Variants in PLA2G4E observed in about 807,000 individuals in gnomAD.
PLA2G4E encodes the protein phospholipase A2 group IVE.
In PLA2G4E, 84 loss-of-function variants were observed where a neutral mutation model predicts 109.1. The observed-to-expected ratio is 0.77, with a 90% confidence interval of 0.65 to 0.92. The LOEUF (loss-of-function observed/expected upper bound fraction) is 0.92, where lower values mean the gene tolerates loss of function less well. Ranked by LOEUF, PLA2G4E falls within the 40% of genes least tolerant of loss-of-function variation. The pLI is 0.00. For synonymous variants in PLA2G4E, 469 were observed against 436.1 expected (o/e 1.08, Z -0.94); for missense variants, 1,057 against 1,076.6 (o/e 0.98, Z 0.25).
At chr15:42,044,228 C>G (rs771539330) in intron 1 of PLA2G4E, among the ~76,000 whole-genome samples, 6 of 152,152 alleles carry the variant, frequency 3.9e-5, no homozygotes, top group Non-Finnish European at 7.3e-5. Context: ...CTACGAAAGA[C>G]GGGAACGGAT....
chr15:42,012,081 T>C (rs1460176822), intron 2 of PLA2G4E, among the ~76,000 whole-genome samples: 1 of 152,180 alleles, frequency 6.6e-6, no homozygotes, highest in Non-Finnish European at 1.5e-5. Flanking sequence ...TCTGGACACA[T>C]TGCCCTCCAG....
At chr15:42,041,370 G>C (rs537880429) in intron 1 of PLA2G4E, among the ~76,000 whole-genome samples, 1 of 152,102 alleles carries the variant, frequency 6.6e-6, no homozygotes, top group African/African-American at 2.4e-5. Context: ...CATTCCACTC[G>C]CACCCACCGA....
intron 1 of PLA2G4E, among the ~76,000 whole-genome samples, chr15:42,023,750 C>A (rs2068668898): frequency 6.6e-6 from 1 of 152,132 alleles, no homozygotes; most frequent in Admixed American, 6.5e-5. Flanking sequence ...TATTTGGCCT[C>A]TTCTCACTGA....
Position 41,984,596 on chromosome 15 carries a change from G to A in PLA2G4E, c.2226C>T (p.Tyr742=), listed in dbSNP as rs757863845. ...GGAAGGGGATGTTCTGCACAGTGCA[G>A]TACTCACAGGTTTGTTTCAGGGGCT... Residue 742 remains tyrosine (Y), a synonymous_variant, in exon 19 of 20, where the codon TAC becomes TAT. Coordinates refer to ENST00000399518, the Ensembl canonical transcript of PLA2G4E. 5.6e-6 allele frequency: 9 copies of A among 1,608,690 alleles called. No homozygotes were observed. In the African/African-American group the frequency reaches 9.4e-5, roughly 17 times the overall value.
At chr15:42,002,557 C>A in intron 6 of PLA2G4E, 97 bp downstream of exon 6, 12 of 1,365,470 alleles carry the variant, frequency 8.8e-6, no homozygotes, top group African/African-American at 1.4e-5. Flanking sequence ...GGACAGAGAC[C>A]AAGCTGGGCC....
At chr15:42,033,987 C>A (rs193299153) in intron 1 of PLA2G4E, among the ~76,000 whole-genome samples, 1 of 152,190 alleles carries the variant, frequency 6.6e-6, no homozygotes, top group African/African-American at 2.4e-5. Flanking sequence ...GTCCTTTTTC[C>A]GGTGATGTAG....
intron 10 of PLA2G4E, 63 bp downstream of exon 10, chr15:41,999,461 A>C: frequency 8.1e-7 from 1 of 1,238,372 alleles, no homozygotes. Context: ...CCACAGTGAG[A>C]TACCACTGCA....
At chr15:42,038,273 C>T (rs1312423722) in intron 1 of PLA2G4E, among the ~76,000 whole-genome samples, 1 of 152,164 alleles carries the variant, frequency 6.6e-6, no homozygotes, top group East Asian at 1.9e-4. Flanking sequence ...ACAATTTTTC[C>T]ATGGATGGTG....
chr15:42,002,707 A>G lies in PLA2G4E; in HGVS notation c.567-11T>C. 2.5e-6 allele frequency: 4 copies of G among 1,572,112 alleles called. No individual in the cohort carries two copies. The highest frequency in any genetic ancestry group is 1.4e-5 in the African/African-American group (1 of 73,922). ...TCAGGTGGAGAGGGACTGAAAAACA[A>G]AAGGAGAACTCCTGGTCAATTCTAG... On this transcript the variant is annotated splice_polypyrimidine_tract_variant and intron_variant, in intron 5 of 19. Coordinates refer to ENST00000399518, the Ensembl canonical transcript of PLA2G4E.
chr15:41,993,278 G>A (rs1160533483), intron 12 of PLA2G4E, among the ~76,000 whole-genome samples: 5 of 152,168 alleles, frequency 3.3e-5, no homozygotes, highest in African/African-American at 1.2e-4. Flanking sequence ...TGTGATCTTG[G>A]GCAAGCTACT....
intron 1 of PLA2G4E, among the ~76,000 whole-genome samples, chr15:42,021,034 G>A (rs1043413550): frequency 1.3e-5 from 2 of 151,856 alleles, no homozygotes; most frequent in Non-Finnish European, 2.9e-5. Flanking sequence ...GGAGCATCAC[G>A]GCAGCTCTCC....
intron 13 of PLA2G4E, among the ~76,000 whole-genome samples, chr15:41,992,075 C>G (rs79894467): frequency 1.3e-5 from 2 of 152,128 alleles, no homozygotes; most frequent in African/African-American, 4.8e-5. Flanking sequence ...TTAGTCAGAT[C>G]ACTGGATCTC....
intron 1 of PLA2G4E, among the ~76,000 whole-genome samples, chr15:42,038,172 G>A (rs1889250551): frequency 1.3e-5 from 2 of 152,164 alleles, no homozygotes; most frequent in African/African-American, 2.4e-5. Context: ...CTTATAATGT[G>A]TAATATTCTG....
chr15:42,013,585 G>GCA (rs150986627), intron 2 of PLA2G4E, 100 bp downstream of exon 2: 109 of 1,078,920 alleles, frequency 1.0e-4, no homozygotes, highest in Non-Finnish European at 1.1e-4. Context: ...ACGTGCGCGC[G>GCA]CACACACACA....
chr15:42,004,631 A>G (rs2068455785), intron 5 of PLA2G4E, among the ~76,000 whole-genome samples: 1 of 152,112 alleles, frequency 6.6e-6, no homozygotes, highest in Admixed American at 6.5e-5. Context: ...TGGTGGCAGG[A>G]ACTCTTCCCA....
In PLA2G4E at chr15:41,995,120, C is replaced by T. The variant is rs190404320; in HGVS notation, c.1247+240G>A. On this transcript the variant is annotated intron_variant, in intron 12 of 19. Coordinates refer to ENST00000399518, the Ensembl canonical transcript of PLA2G4E. The stretch of plus-strand genomic sequence containing the variant: ...TCTGGCATACTTAGTAGCGGGAGAG[C>T]GTCTTACACCCACCGCATGAGGTCA... 1.1e-4 allele frequency among the ~76,000 whole-genome samples: 17 copies of T among 152,376 alleles called. No homozygotes were observed. In the East Asian group the frequency reaches 1.9e-3, roughly 17 times the overall value.
intron 1 of PLA2G4E, among the ~76,000 whole-genome samples, chr15:42,043,346 G>A (rs893088112): frequency 6.6e-6 from 1 of 152,062 alleles, no homozygotes; most frequent in African/African-American, 2.4e-5. Context: ...GCCTGGCCTA[G>A]TGAGGGAAAT....
chr15:41,984,559 G>A, exon 19 of PLA2G4E: 2 of 1,613,948 alleles, frequency 1.2e-6, no homozygotes, highest in Admixed American at 1.7e-5. Context: ...TCATCTGGCA[G>A]CTCGTATTTG....
chr15:41,985,912 G>A (rs868087564), exon 18 of PLA2G4E: 20 of 1,608,774 alleles, frequency 1.2e-5, no homozygotes, highest in African/African-American at 4.0e-5. Flanking sequence ...GAGGAGGGGC[G>A]GGTAGCTGGA....
Sources: allele counts gnomAD v4.1 joint callset (sites outside exome capture counted in the v4.1 genomes callset), GRCh38; gene constraint gnomAD v4.1.1; transcripts MANE v1.5; gene names NCBI Gene and HGNC (gene_info 2026-07-23, HGNC 2026-07-21).